The following ADAMTS19 variants were observed in gnomAD, a reference collection of about 807,000 sequenced individuals.
ADAMTS19 encodes A disintegrin and metalloproteinase with thrombospondin motifs 19.
A neutral mutation model predicts 153.3 loss-of-function variants in ADAMTS19; 93 were observed. The observed-to-expected ratio is 0.61, with a 90% CI of 0.51 to 0.72. ADAMTS19 has a LOEUF of 0.72. Ranked by LOEUF, ADAMTS19 falls within the 30% of genes least tolerant of loss-of-function variation. ADAMTS19 has a pLI of 0.00. For missense variants in ADAMTS19, 1,482 were observed against 1,552.1 expected (o/e 0.95, Z 0.76); for synonymous variants, 600 against 556.6 (o/e 1.08, Z -1.10).
intron 6 of ADAMTS19, among the ~76,000 whole-genome samples, chr5:129,535,314 G>T (rs1396952550): frequency 6.6e-6 from 1 of 152,082 alleles, no homozygotes; most frequent in South Asian, 2.1e-4. Flanking sequence ...TTCACAATTG[G>T]CTTGAAAGAG....
At position 129,461,578 on chromosome 5, in the gene ADAMTS19, G is replaced by A. The variant is rs201159584; in HGVS notation, c.568G>A (p.Gly190Ser). Residue 190 changes from glycine (G) to serine (S), a missense_variant, in exon 2 of 23, where the codon GGC becomes AGC. Around this residue, in one of 2 missense-constraint regions of ADAMTS19, gnomAD observed 866 missense variants for 827.7 expected, o/e 1.05. Transcript: ENST00000274487. The surrounding 1 kb of genome is among the most constrained non-coding windows in gnomAD (Gnocchi z 4.6). ...RDLYLLLRRD[G>S]RFLAPRFAVE... is the part of the protein sequence containing the mutation. The stretch of plus-strand genomic sequence containing the variant: ...CCTGTACCTGCTGCTCCGGAGAGAC[G>A]GCCGCTTCCTGGCGCCGCGCTTCGC... 1.0e-4 allele frequency: 163 copies of A among 1,568,180 alleles called. 2 individuals are homozygous for A. In the East Asian group the frequency reaches 1.5e-3, roughly 15 times the overall value.
chr5:129,468,897 C>A (rs566120933), intron 2 of ADAMTS19, among the ~76,000 whole-genome samples: 2 of 152,168 alleles, frequency 1.3e-5, no homozygotes, highest in African/African-American at 4.8e-5. Context: ...CTGCCTCAGC[C>A]TCCGAAGTAG....
intron 8 of ADAMTS19, among the ~76,000 whole-genome samples, chr5:129,607,114 A>G (rs1157360665): frequency 6.6e-6 from 1 of 152,016 alleles, no homozygotes; most frequent in South Asian, 2.1e-4. Context: ...ACAGGGTTTC[A>G]CCGTGTTGGC....
At chr5:129,709,250 A>G (rs576816113) in intron 21 of ADAMTS19, among the ~76,000 whole-genome samples, 2 of 152,252 alleles carry the variant, frequency 1.3e-5, no homozygotes, top group Non-Finnish European at 2.9e-5. Context: ...AAAATTTTCT[A>G]GTTTCCTTAG....
intron 21 of ADAMTS19, among the ~76,000 whole-genome samples, chr5:129,711,548 G>A (rs1024727846): frequency 6.6e-6 from 1 of 151,962 alleles, no homozygotes; most frequent in African/African-American, 2.4e-5. Flanking sequence ...GTGGCAGCGG[G>A]TGCCTGTAAT....
rs997843465 is a variant in ADAMTS19 at position 129,461,716 on chromosome 5, C to G, written c.706C>G (p.Pro236Ala). 2 of 1,515,614 alleles carry G rather than the reference C, an allele frequency of 1.3e-6. No homozygotes were observed. The highest frequency in any genetic ancestry group is 2.9e-5 in the African/African-American group (2 of 69,764). 93.9% of individuals were successfully genotyped at this position (1,515,614 alleles called of 1,614,324 possible). ...CFYTGAVLRH[P>A]GSLASFSTCG... ...CTACACCGGAGCTGTGCTGCGGCAC[C>G]CTGGCTCGCTGGCTTCTTTCAGCAC... is the stretch of plus-strand genomic sequence containing the variant. Residue 236 changes from proline to alanine, a missense_variant, in exon 2 of 23, where the codon CCT becomes GCT. Transcript: ENST00000274487. The surrounding 1 kb of genome is among the most constrained non-coding windows in gnomAD (Gnocchi z 4.6).
At chr5:129,663,720 G>A (rs1430376971) in intron 15 of ADAMTS19, among the ~76,000 whole-genome samples, 1 of 152,092 alleles carries the variant, frequency 6.6e-6, no homozygotes, top group East Asian at 1.9e-4. Flanking sequence ...GGATATCACT[G>A]TTAGTCAAAG....
intron 10 of ADAMTS19, among the ~76,000 whole-genome samples, chr5:129,634,366 A>G (rs573465795): frequency 1.3e-5 from 2 of 152,306 alleles, no homozygotes; most frequent in East Asian, 3.9e-4. Flanking sequence ...GCCCAAAGCA[A>G]TTTATAGATT....
At chr5:129,466,967 T>G (rs1416609270) in intron 2 of ADAMTS19, among the ~76,000 whole-genome samples, 1 of 152,230 alleles carries the variant, frequency 6.6e-6, no homozygotes, top group Non-Finnish European at 1.5e-5. Context: ...TTCTTTATAA[T>G]TGTTTCATTT....
At chr5:129,578,768 A>G (rs1255920900) in intron 7 of ADAMTS19, among the ~76,000 whole-genome samples, 1 of 152,128 alleles carries the variant, frequency 6.6e-6, no homozygotes, top group African/African-American at 2.4e-5. Flanking sequence ...AAAGGACATG[A>G]ACTCATCCTT....
At position 129,462,501 on chromosome 5, in the gene ADAMTS19, A is replaced by T. The variant is rs968108232; in HGVS notation, c.747+744A>T. On this transcript the variant is annotated intron_variant, in intron 2 of 22. Coordinates refer to ENST00000274487, the MANE Select transcript of ADAMTS19 (RefSeq NM_133638.6). Reference sequence around the variant, plus strand: ...CTTGTTAAAAGGCCTGTTGGGATGGAAAGTAAAAGCCATTTGCTCTGTCAA... The same window carrying T: ...CTTGTTAAAAGGCCTGTTGGGATGGTAAGTAAAAGCCATTTGCTCTGTCAA... Among the ~76,000 whole-genome samples, 6 of 152,298 alleles carry T rather than the reference A, an allele frequency of 3.9e-5. No homozygotes were observed. The East Asian group carries it at 9.7e-4, about 25-fold the overall frequency.
chr5:129,718,917 G>C (rs1756850182), intron 21 of ADAMTS19, among the ~76,000 whole-genome samples: 1 of 152,124 alleles, frequency 6.6e-6, no homozygotes, highest in Non-Finnish European at 1.5e-5. Context: ...AGCTGGAAAT[G>C]AGTAAAGCAT....
intron 16 of ADAMTS19, among the ~76,000 whole-genome samples, chr5:129,674,999 A>C (rs962373443): frequency 6.6e-6 from 1 of 152,096 alleles, no homozygotes; most frequent in African/African-American, 2.4e-5. Context: ...TCATCTCTGA[A>C]GGATATTTTC....
At chr5:129,490,920 A>G (rs1356292322) in intron 2 of ADAMTS19, among the ~76,000 whole-genome samples, 2 of 151,926 alleles carry the variant, frequency 1.3e-5, no homozygotes, top group Non-Finnish European at 2.9e-5. Context: ...TCTCTTTCGC[A>G]TTTGTGCAAA....
intron 2 of ADAMTS19, among the ~76,000 whole-genome samples, chr5:129,496,558 T>C (rs1750933362): frequency 6.6e-6 from 1 of 151,902 alleles, no homozygotes; most frequent in Non-Finnish European, 1.5e-5. Flanking sequence ...TCTCTAGGGG[T>C]ATGTAGGAGG....
chr5:129,658,460 T>C (rs1433343275), intron 14 of ADAMTS19, among the ~76,000 whole-genome samples, 157 bp from the exon 15 acceptor site: 1 of 152,196 alleles, frequency 6.6e-6, no homozygotes, highest in Non-Finnish European at 1.5e-5. Context: ...GGCTTGTGTA[T>C]TAGCTTGCAC....
At chr5:129,561,198 T>C (rs1291712277) in intron 7 of ADAMTS19, among the ~76,000 whole-genome samples, 4 of 152,116 alleles carry the variant, frequency 2.6e-5, no homozygotes, top group African/African-American at 7.2e-5. Flanking sequence ...GAGAGTTTCT[T>C]TGTTTGGGTT....
At position 129,584,952 on chromosome 5, in the gene ADAMTS19, A is replaced by G. The variant is rs1164756255; in HGVS notation, c.1373-11607A>G. On this transcript the variant is annotated intron_variant, in intron 7 of 22. Coordinates refer to ENST00000274487, the MANE Select transcript of ADAMTS19 (RefSeq NM_133638.6). ...CAGGTGCCACTGTGGTATGAAAATA[A>G]TCTCCTGAAGCTAGTTAGGTGTCTG... Among the ~76,000 whole-genome samples, 4 of 152,138 alleles carry G rather than the reference A, an allele frequency of 2.6e-5. No homozygotes were observed. The East Asian group carries it at 7.7e-4, about 29-fold the overall frequency.
At chr5:129,577,385 T>C (rs994455779) in intron 7 of ADAMTS19, among the ~76,000 whole-genome samples, 1 of 152,106 alleles carries the variant, frequency 6.6e-6, no homozygotes, top group African/African-American at 2.4e-5. Context: ...ACAGAGAATA[T>C]ACATATTAAA....
Sources: allele counts gnomAD v4.1 joint callset (sites outside exome capture counted in the v4.1 genomes callset), GRCh38; gene constraint gnomAD v4.1.1; regional missense constraint gnomAD v4.1.1; non-coding constraint Gnocchi (gnomAD v3.1); transcripts MANE v1.5; gene names NCBI Gene and HGNC (gene_info 2026-07-23, HGNC 2026-07-21).